The following ICA1 variants were observed in gnomAD, a reference collection of about 807,000 sequenced individuals.
ICA1 encodes the protein islet cell autoantigen 1.
A neutral mutation model predicts 71.0 loss-of-function variants in ICA1; 40 were observed. The observed-to-expected ratio is 0.56, with a 90% CI of 0.44 to 0.73. The LOEUF (loss-of-function observed/expected upper bound fraction) is 0.73, where lower values mean the gene tolerates loss of function less well. Among genes scored for constraint, ICA1 ranks in the 30% least tolerant of loss-of-function variants. ICA1 has a pLI of 0.00. For synonymous variants in ICA1, 207 were observed against 209.5 expected (o/e 0.99, Z 0.10); for missense variants, 578 against 576.5 (o/e 1.00, Z -0.03).
In ICA1 at chr7:8,235,948, T is replaced by A; in HGVS notation, c.-22A>T. ...ACATGTTTTCTTCTTCTTCTATTGT[T>A]GATGATTTGGGGAGAAGGGGCAGGA... On this transcript the variant is annotated 5_prime_UTR_variant, in exon 2 of 14. Coordinates refer to ENST00000402384, the MANE Select transcript of ICA1 (RefSeq NM_001136020.3). 6.2e-7 allele frequency: 1 copy of A among 1,612,434 alleles called. No individual in the cohort carries two copies. The highest frequency in any genetic ancestry group is 1.1e-5 in the South Asian group (1 of 90,750).
intron 6 of ICA1, among the ~76,000 whole-genome samples, chr7:8,184,956 C>G (rs1284292432): frequency 1.3e-5 from 2 of 152,096 alleles, no homozygotes; most frequent in South Asian, 4.2e-4. Context: ...CGCCTATAGT[C>G]CTAGCTACTT....
rs1039192032 is a variant in ICA1, at chr7:8,132,693, C to T, written c.1061-4551G>A. On this transcript the variant is annotated intron_variant, in intron 12 of 13. Coordinates refer to ENST00000402384, the MANE Select transcript of ICA1 (RefSeq NM_001136020.3). This position sits in a 1 kb window ranked among gnomAD's most constrained non-coding sequence, Gnocchi z 4.5. ...ACAGTACCTTCTCCACTGCCTCCTC[C>T]TATTCTGGCTGCCCTTAAGGTTTCA... Among the ~76,000 whole-genome samples, 1 of 152,194 alleles carries T rather than the reference C, an allele frequency of 6.6e-6. No individual in the cohort carries two copies. Among genetic ancestry groups the T allele is most frequent in the Non-Finnish European group, 1.5e-5 (1 of 68,034 alleles).
chr7:8,113,228 AAAC>A lies in ICA1; in HGVS notation c.*692_*694del, dbSNP rs1250669675. The A allele has an allele frequency of 2.6e-5, 4 of 151,920 alleles. No individual in the cohort carries two copies. Among genetic ancestry groups the A allele is most frequent in the Non-Finnish European group, 4.4e-5 (3 of 67,956 alleles). The allele number at this position is 151,920 out of a possible 1,614,324, so 9.4% of individuals were successfully genotyped here. A position where few individuals can be genotyped will look rare whatever the true frequency, so the allele number is the denominator to read the frequency against. ...TTCTGTTTAATTAAAAAAAAAAAAA[AAAC>A]AATGTCACAAGAGGCTTCAGAAATA... On this transcript the variant is annotated 3_prime_UTR_variant, in exon 14 of 14. Transcript: ENST00000402384. The surrounding 1 kb of genome is among the most constrained non-coding windows in gnomAD (Gnocchi z 4.2).
intron 12 of ICA1, among the ~76,000 whole-genome samples, chr7:8,129,974 G>A (rs989941153): frequency 2.0e-5 from 3 of 150,332 alleles, no homozygotes; most frequent in South Asian, 2.1e-4. Context: ...TGTCCTTGGC[G>A]ATAGTTTGCT....
intron 13 of ICA1, chr7:8,114,736 TGA>T (rs1562477699): frequency 2.0e-5 from 3 of 152,254 alleles, no homozygotes; most frequent in African/African-American, 7.2e-5. Flanking sequence ...ATTTTCCAGA[TGA>T]GGAGAACATT....
intron 8 of ICA1, chr7:8,156,868 C>G (rs1801711261): frequency 6.6e-7 from 1 of 1,513,552 alleles, no homozygotes; most frequent in Admixed American, 2.4e-5. Flanking sequence ...TCTCAAGGTT[C>G]AAGGTTCAAT....
chr7:8,247,915 A>G (rs1003604532), intron 1 of ICA1, among the ~76,000 whole-genome samples: 2 of 152,212 alleles, frequency 1.3e-5, no homozygotes, highest in Non-Finnish European at 2.9e-5. Context: ...TTCTATACCC[A>G]CAAAATTTGA....
Position 8,127,873 on chromosome 7 carries a change from CT to C in ICA1, c.1329del (p.Glu444AsnfsTer9). The C allele has an allele frequency of 6.2e-7, 1 of 1,611,590 alleles. No individual in the cohort carries two copies. The highest frequency in any genetic ancestry group is 8.5e-7 in the Non-Finnish European group (1 of 1,178,552). Reference protein sequence around the residue: ...QNMKDLQASLQEPAKAASDLT... With the variant: ...QNMKDLQASLXEPAKAASDLT... ...CCATTTCAATCCCCACCTTACCTAC[CT>C]TGTAGCGAGGCCTGTAAGTCTTTCA... is the stretch of plus-strand genomic sequence containing the variant. On this transcript the variant is annotated frameshift_variant and splice_region_variant, in exon 13 of 14. Coordinates refer to ENST00000402384, the MANE Select transcript of ICA1 (RefSeq NM_001136020.3). LOFTEE classifies it high-confidence loss of function.
chr7:8,255,300 C>G (rs1280161612), intron 1 of ICA1, among the ~76,000 whole-genome samples: 2 of 152,224 alleles, frequency 1.3e-5, no homozygotes, highest in African/African-American at 2.4e-5. Context: ...GGGCCCCACT[C>G]AAGTCCTCAT....
chr7:8,158,506 C>A, intron 7 of ICA1, 21 bp downstream of exon 7: 2 of 1,613,170 alleles, frequency 1.2e-6, no homozygotes, highest in Non-Finnish European at 1.7e-6. Context: ...TGGTTCATTG[C>A]AACAAACATT....
chr7:8,152,561 C>CACT (rs1309964696), intron 8 of ICA1, among the ~76,000 whole-genome samples: 3 of 92,428 alleles, frequency 3.2e-5, no homozygotes, highest in East Asian at 3.1e-4. Context: ...CCTCCACCAC[C>CACT]ACCACCACCA....
intron 6 of ICA1, among the ~76,000 whole-genome samples, chr7:8,170,504 G>C (rs945996859): frequency 6.6e-6 from 1 of 151,676 alleles, no homozygotes; most frequent in African/African-American, 2.4e-5. Context: ...AAATTGTCTT[G>C]GCACTTTTTG....
intron 1 of ICA1, among the ~76,000 whole-genome samples, chr7:8,261,404 G>A (rs1012378540): frequency 6.6e-6 from 1 of 152,154 alleles, no homozygotes; most frequent in African/African-American, 2.4e-5. Context: ...AATAGCCCCG[G>A]AGCAGGAAAG....
intron 1 of ICA1, among the ~76,000 whole-genome samples, chr7:8,259,324 G>A (rs998322713): frequency 6.6e-6 from 1 of 152,168 alleles, no homozygotes; most frequent in African/African-American, 2.4e-5. Flanking sequence ...ACGTTTGAGT[G>A]ACAGGGGCTT....
intron 3 of ICA1, among the ~76,000 whole-genome samples, chr7:8,232,064 G>C (rs776200158): frequency 7.2e-5 from 11 of 152,172 alleles, no homozygotes; most frequent in Non-Finnish European, 1.6e-4. Context: ...AAGACAGGGA[G>C]TTAGTTAGTG....
chr7:8,124,541 A>C (rs1287932837), intron 13 of ICA1, among the ~76,000 whole-genome samples: 3 of 152,130 alleles, frequency 2.0e-5, no homozygotes, highest in Non-Finnish European at 4.4e-5. Context: ...TAGAAGGCAG[A>C]ATTTGACATG....
Position 8,173,011 on chromosome 7 carries a change from G to A in ICA1, c.580-14359C>T, listed in dbSNP as rs940444600. 5.3e-5 allele frequency among the ~76,000 whole-genome samples: 8 copies of A among 152,194 alleles called. No homozygotes were observed. Among genetic ancestry groups the A allele is most frequent in the Non-Finnish European group, 1.2e-4 (8 of 68,032 alleles). ...AATATCACTGACAACGGAGGTGAAA[G>A]TAAAATAGGGGCTTAGTTGCTTTGC... On this transcript the variant is annotated intron_variant, in intron 6 of 13. Coordinates refer to ENST00000402384, the MANE Select transcript of ICA1 (RefSeq NM_001136020.3). This position sits in a 1 kb window ranked among gnomAD's most constrained non-coding sequence, Gnocchi z 4.0.
At chr7:8,240,365 G>T (rs1803366870) in intron 1 of ICA1, among the ~76,000 whole-genome samples, 1 of 152,182 alleles carries the variant, frequency 6.6e-6, no homozygotes, top group South Asian at 2.1e-4. Flanking sequence ...GAAAGGAACA[G>T]CACCAACATC....
chr7:8,141,925 C>CCACA (rs55773006), intron 9 of ICA1, 108 bp from the exon 10 acceptor site: 267 of 1,185,690 alleles, frequency 2.3e-4, no homozygotes, highest in Middle Eastern at 3.9e-4. Flanking sequence ...AACACATACA[C>CCACA]CACACACACG....
Sources: gnomAD v4.1 joint callset for allele counts (sites outside exome capture counted in the v4.1 genomes callset) on GRCh38, gnomAD v4.1.1 for gene constraint, Gnocchi (gnomAD v3.1) non-coding constraint, MANE v1.5 for transcripts, NCBI Gene and HGNC (gene_info 2026-07-23, HGNC 2026-07-21) for gene names.